The following LRMDA variants were observed in gnomAD, a reference collection of about 807,000 sequenced individuals.
LRMDA encodes the protein leucine rich melanocyte differentiation associated.
A neutral mutation model predicts 29.8 loss-of-function variants in LRMDA; 18 were observed. The ratio of observed to expected loss-of-function variants is 0.60; its 90% CI spans 0.42 to 0.90. The LOEUF (loss-of-function observed/expected upper bound fraction) is 0.90, where lower values mean the gene tolerates loss of function less well. LRMDA is among the 40% of genes least tolerant of loss of function. The pLI, the probability that LRMDA is intolerant of heterozygous loss-of-function variation, is 0.00. For missense variants in LRMDA, 273 were observed against 273.9 expected (o/e 1.00, Z 0.02); for synonymous variants, 125 against 109.4 (o/e 1.14, Z -0.89).
chr10:75,647,075 TGCCCAAC>T (rs56166022), intron 2 of LRMDA, among the ~76,000 whole-genome samples: 92,376 of 151,398 alleles, frequency 0.61, 32,169 homozygotes, highest in Non-Finnish European at 0.77. Flanking sequence ...AGATGGAGCT[TGCCCAAC>T]GCTGCTTTTC....
At chr10:76,028,477 CTG>C (rs373572753) in intron 2 of LRMDA, among the ~76,000 whole-genome samples, 74 of 152,254 alleles carry the variant, frequency 4.9e-4, no homozygotes, top group African/African-American at 1.7e-3. Context: ...ACATTAGACA[CTG>C]TGAAATTTCA....
At chr10:76,412,076 G>A (rs991973593) in intron 6 of LRMDA, among the ~76,000 whole-genome samples, 9 of 152,158 alleles carry the variant, frequency 5.9e-5, no homozygotes, top group Non-Finnish European at 8.8e-5. Context: ...GAATTCTCTC[G>A]AAATTTTGAA....
At chr10:75,884,963 G>A (rs536015481) in intron 2 of LRMDA, among the ~76,000 whole-genome samples, 3 of 151,952 alleles carry the variant, frequency 2.0e-5, no homozygotes, top group Non-Finnish European at 4.4e-5. Flanking sequence ...GGAGGCCCGG[G>A]GAGGACAGCA....
chr10:76,458,817 T>C (rs3740242), intron 6 of LRMDA, among the ~76,000 whole-genome samples: 102,676 of 151,882 alleles, frequency 0.68, 36,570 homozygotes, highest in Non-Finnish European at 0.81. Flanking sequence ...CTAGTAGGCA[T>C]CTTAGGAAAC....
At chr10:76,260,271 C>G (rs1839917854) in intron 5 of LRMDA, among the ~76,000 whole-genome samples, 1 of 152,004 alleles carries the variant, frequency 6.6e-6, no homozygotes, top group Non-Finnish European at 1.5e-5. Flanking sequence ...TGTGTATTGT[C>G]CCTACCAGTG....
chr10:76,083,646 T>A (rs1849082941), intron 5 of LRMDA, among the ~76,000 whole-genome samples: 1 of 152,040 alleles, frequency 6.6e-6, no homozygotes, highest in Non-Finnish European at 1.5e-5. Context: ...CTGGCCAACA[T>A]GGTGAAACCC....
chr10:75,709,758 G>A lies in LRMDA; in HGVS notation c.131+271264G>A, dbSNP rs535262297. ...TTCCACTCGGCCCTTTAAGAGGAAG[G>A]GGCTCAAGGTAAGAGATGCTCTGCA... On this transcript the variant is annotated intron_variant, in intron 2 of 6. Transcript: ENST00000611255. 9.2e-5 allele frequency among the ~76,000 whole-genome samples: 14 copies of A among 152,190 alleles called. No homozygotes were observed. In the South Asian group the frequency reaches 2.7e-3, roughly 29 times the overall value.
chr10:75,983,938 A>G (rs535960121), intron 2 of LRMDA, among the ~76,000 whole-genome samples: 3 of 152,276 alleles, frequency 2.0e-5, no homozygotes, highest in African/African-American at 7.2e-5. Flanking sequence ...TACAGGTGTG[A>G]GTTACCACGC....
rs191726478 is a variant in LRMDA, at chr10:76,340,277, A to G, written c.601+15792A>G. Among the ~76,000 whole-genome samples, 483 of 152,220 alleles carry G rather than the reference A, an allele frequency of 3.2e-3. 1 individual carries two copies. Among genetic ancestry groups the G allele is most frequent in the African/African-American group, 0.011 (464 of 41,540 alleles). ...ACGCCTGTAACCCCAACACTTTCGG[A>G]GGCCAAGCAGGGTGGATTGTTTGAG... On this transcript the variant is annotated intron_variant, in intron 6 of 6. Transcript: ENST00000611255.
intron 2 of LRMDA, among the ~76,000 whole-genome samples, chr10:75,598,725 C>T (rs535523955): frequency 3.3e-5 from 5 of 152,268 alleles, no homozygotes; most frequent in South Asian, 2.1e-4. Context: ...CCTCCTTCCG[C>T]GGTCTTTCTT....
At chr10:76,336,940 C>T (rs1840976542) in intron 6 of LRMDA, among the ~76,000 whole-genome samples, 1 of 151,994 alleles carries the variant, frequency 6.6e-6, no homozygotes, top group South Asian at 2.1e-4. Flanking sequence ...CTAATTTCTC[C>T]CCACCCCCCT....
chr10:75,929,272 A>G (rs1375790830), intron 2 of LRMDA, among the ~76,000 whole-genome samples: 2 of 151,826 alleles, frequency 1.3e-5, no homozygotes, highest in East Asian at 3.9e-4. Flanking sequence ...AAGTGCATAT[A>G]CAAGCATTTA....
intron 2 of LRMDA, among the ~76,000 whole-genome samples, chr10:75,616,534 A>G (rs150030806): frequency 1.3e-5 from 2 of 152,364 alleles, no homozygotes; most frequent in African/African-American, 2.4e-5. Flanking sequence ...TCTCCACCCC[A>G]GATAATTGGA....
At chr10:75,719,811 A>G (rs1842544370) in intron 2 of LRMDA, among the ~76,000 whole-genome samples, 1 of 152,174 alleles carries the variant, frequency 6.6e-6, no homozygotes, top group South Asian at 2.1e-4. Flanking sequence ...TAAGAACTTT[A>G]ATTTCCACAA....
At chr10:76,359,422 A>G (rs1841282635) in intron 6 of LRMDA, among the ~76,000 whole-genome samples, 2 of 152,166 alleles carry the variant, frequency 1.3e-5, no homozygotes, top group South Asian at 4.1e-4. Context: ...ATTAGTGCTG[A>G]TGACATTCAC....
chr10:75,483,002 T>C (rs1469112526), intron 2 of LRMDA, among the ~76,000 whole-genome samples: 1 of 152,114 alleles, frequency 6.6e-6, no homozygotes, highest in Non-Finnish European at 1.5e-5. Context: ...TGGAGTGCAG[T>C]GGCACCATCT....
chr10:76,337,202 G>A (rs936522995), intron 6 of LRMDA, among the ~76,000 whole-genome samples: 1 of 152,146 alleles, frequency 6.6e-6, no homozygotes, highest in South Asian at 2.1e-4. Context: ...TATGTGTCAA[G>A]CCCTGTTCAA....
chr10:75,852,541 AC>A (rs5786192), intron 2 of LRMDA, among the ~76,000 whole-genome samples: 83,103 of 151,052 alleles, frequency 0.55, 24,295 homozygotes, highest in South Asian at 0.69. Context: ...AACAACAACA[AC>A]AAAAAAAACA....
intron 6 of LRMDA, among the ~76,000 whole-genome samples, chr10:76,361,509 T>G (rs181032048): frequency 6.6e-6 from 1 of 152,236 alleles, no homozygotes; most frequent in African/African-American, 2.4e-5. Context: ...CGACCCCTGG[T>G]GAGTGGGCAG....
Sources: allele counts gnomAD v4.1 joint callset (sites outside exome capture counted in the v4.1 genomes callset), GRCh38; gene constraint gnomAD v4.1.1; transcripts MANE v1.5; gene names NCBI Gene and HGNC (gene_info 2026-07-23, HGNC 2026-07-21).